TTC28: variants seen among roughly 807,000 people sequenced by gnomAD.
The protein encoded by TTC28 is tetratricopeptide repeat domain 28, also known as tetratricopeptide repeat protein 28.
Under a neutral mutation model 198.0 loss-of-function variants are expected in TTC28, and 61 were observed. The observed-to-expected ratio is 0.31, with a 90% confidence interval of 0.25 to 0.38. The LOEUF (loss-of-function observed/expected upper bound fraction) is 0.38, where lower values mean the gene tolerates loss of function less well. Among genes scored for constraint, TTC28 ranks in the 10% least tolerant of loss-of-function variants. The probability of loss-of-function intolerance (pLI) is 1.00; values close to 1 mark genes in which losing one functional copy is unlikely to be tolerated. For missense variants in TTC28, 2,678 were observed against 3,164.0 expected, an observed-to-expected ratio of 0.85 and a Z score of 3.69; for synonymous variants, 1,171 against 1,297.8, an observed-to-expected ratio of 0.90 and a Z score of 2.10.
chr22:28,385,640 A>AT (rs2046569506), intron 2 of TTC28, among the ~76,000 whole-genome samples: 1 of 151,932 alleles, frequency 6.6e-6, no homozygotes, highest in African/African-American at 2.4e-5. Flanking sequence ...CTTATTGTGA[A>AT]TTTTTTACTT....
chr22:28,071,234 A>T (rs1940955425), intron 12 of TTC28, among the ~76,000 whole-genome samples: 1 of 152,294 alleles, frequency 6.6e-6, no homozygotes, highest in South Asian at 2.1e-4. Flanking sequence ...ATTACTGGGT[A>T]TATACCCAAA....
At chr22:28,042,729 A>T (rs996126026) in intron 12 of TTC28, among the ~76,000 whole-genome samples, 1 of 152,122 alleles carries the variant, frequency 6.6e-6, no homozygotes, top group Non-Finnish European at 1.5e-5. Context: ...AATTAAAAAA[A>T]AAAAAAGAAA....
intron 22 of TTC28, 85 bp from the exon 23 acceptor site, chr22:27,983,936 A>G: frequency 7.3e-7 from 1 of 1,363,972 alleles, no homozygotes; most frequent in Non-Finnish European, 9.8e-7. Context: ...ACATCTTTAT[A>G]TGCATAGAAG....
At chr22:28,359,298 G>A (rs1246635719) in intron 2 of TTC28, among the ~76,000 whole-genome samples, 1 of 151,894 alleles carries the variant, frequency 6.6e-6, no homozygotes, top group Non-Finnish European at 1.5e-5. Flanking sequence ...CATATCAGAA[G>A]AAAAAAATGG....
At chr22:28,152,369 C>A (rs1257095481) in intron 6 of TTC28, among the ~76,000 whole-genome samples, 2 of 152,042 alleles carry the variant, frequency 1.3e-5, no homozygotes, top group African/African-American at 2.4e-5. Context: ...GGAGAAGGAG[C>A]GTCTTTGGCC....
At chr22:28,624,456 TAAC>T (rs2051047556) in intron 2 of TTC28, among the ~76,000 whole-genome samples, 1 of 151,942 alleles carries the variant, frequency 6.6e-6, no homozygotes, top group Admixed American at 6.6e-5. Context: ...AAAGGAATAT[TAAC>T]AACTTTATCC....
intron 2 of TTC28, among the ~76,000 whole-genome samples, chr22:28,389,950 G>C (rs1362703853): frequency 6.6e-6 from 1 of 151,608 alleles, no homozygotes; most frequent in African/African-American, 2.4e-5. Flanking sequence ...GTCAATTTTA[G>C]ATCTTTCCTG....
intron 1 of TTC28, among the ~76,000 whole-genome samples, chr22:28,638,315 A>T (rs1053810323): frequency 2.0e-5 from 3 of 152,128 alleles, no homozygotes; most frequent in African/African-American, 4.8e-5. Context: ...CTATATAAAA[A>T]ATCACAGGTA....
intron 12 of TTC28, among the ~76,000 whole-genome samples, chr22:28,037,712 A>G (rs1307682328): frequency 3.3e-5 from 5 of 152,200 alleles, no homozygotes; most frequent in Non-Finnish European, 7.3e-5. Flanking sequence ...CAATTAGGAA[A>G]AGAGGAAGTC....
chr22:28,459,669 T>C (rs1473438677), intron 2 of TTC28, among the ~76,000 whole-genome samples: 2 of 152,200 alleles, frequency 1.3e-5, no homozygotes, highest in Admixed American at 6.5e-5. Flanking sequence ...TGCAGCTATC[T>C]TGCCTTTGTC....
chr22:28,096,563 C>T (rs1403994178), intron 10 of TTC28, among the ~76,000 whole-genome samples, 155 bp from the exon 11 acceptor site: 1 of 152,182 alleles, frequency 6.6e-6, no homozygotes, highest in African/African-American at 2.4e-5. Flanking sequence ...AGATTCAATT[C>T]CCTGCCTCAG....
chr22:28,608,883 G>A (rs146333849), intron 2 of TTC28, among the ~76,000 whole-genome samples: 18 of 152,294 alleles, frequency 1.2e-4, no homozygotes, highest in African/African-American at 4.1e-4. Flanking sequence ...GTTTAGGAAA[G>A]TCACTAACAC....
At chr22:28,582,660 C>T (rs1198836265) in intron 2 of TTC28, among the ~76,000 whole-genome samples, 1 of 151,946 alleles carries the variant, frequency 6.6e-6, no homozygotes, top group African/African-American at 2.4e-5. Flanking sequence ...TGGAATGCAT[C>T]TTTTTTGCAA....
chr22:28,395,165 T>G (rs561086468), intron 2 of TTC28, among the ~76,000 whole-genome samples: 2 of 152,210 alleles, frequency 1.3e-5, no homozygotes, highest in African/African-American at 2.4e-5. Context: ...TTTAGAGATA[T>G]GCATGCATAT....
Position 28,158,030 on chromosome 22 carries a change from C to CA in TTC28, c.1441+5061dup, listed in dbSNP as rs200895507. The stretch of plus-strand genomic sequence containing the variant: ...ACTTGGAAAAATCTAAAGACTCCAT[C>CA]AAAAAAAAACCACTAGAACTGATAA... On this transcript the variant is annotated intron_variant, in intron 6 of 22. Transcript: ENST00000397906. Among the ~76,000 whole-genome samples the CA allele has an allele frequency of 7.4e-3, 1,112 of 149,984 alleles. 13 individuals carry two copies. Among genetic ancestry groups the CA allele is most frequent in the African/African-American group, 0.026 (1,067 of 41,024 alleles).
rs1216824328 is a variant in TTC28 at position 28,001,530 on chromosome 22, G to A, written c.4242C>T (p.Pro1414=). 9.7e-6 allele frequency: 15 copies of A among 1,551,076 alleles called. No homozygotes were observed. In the East Asian group the frequency reaches 9.8e-5, roughly 10 times the overall value. The change falls in exon 15 of 23, where the codon CCC becomes CCT. Residue 1414 remains proline, a synonymous_variant. Transcript: ENST00000397906. The part of the protein sequence containing the change: ...MEGGLMHSSG[P]VGRHRQLILV... The stretch of plus-strand genomic sequence containing the variant: ...GGATGAGCTGCCGGTGCCGGCCCAC[G>A]GGGCCGCTGGAGTGCATCAGGCCCT...
At chr22:28,280,292 G>A (rs1256810286) in intron 5 of TTC28, among the ~76,000 whole-genome samples, 1 of 151,700 alleles carries the variant, frequency 6.6e-6, no homozygotes. Context: ...TTAGCCATAC[G>A]CATTTTTAAA....
chr22:28,271,671 C>T (rs766052596), intron 5 of TTC28, among the ~76,000 whole-genome samples: 8 of 152,146 alleles, frequency 5.3e-5, no homozygotes, highest in Non-Finnish European at 7.3e-5. Context: ...ATGGCATGAT[C>T]TCGGCTCACT....
At chr22:28,317,872 C>T (rs1000264460) in intron 2 of TTC28, among the ~76,000 whole-genome samples, 1 of 152,060 alleles carries the variant, frequency 6.6e-6, no homozygotes, top group African/African-American at 2.4e-5. Flanking sequence ...AGAAGGGTCT[C>T]CTTCCTGAGA....
Sources: gnomAD v4.1 joint callset for allele counts (sites outside exome capture counted in the v4.1 genomes callset) on GRCh38, gnomAD v4.1.1 for gene constraint, MANE v1.5 for transcripts, NCBI Gene and HGNC (gene_info 2026-07-23, HGNC 2026-07-21) for gene names.